Variants in ASIC2 observed in about 807,000 individuals in gnomAD.
The protein encoded by ASIC2 is acid-sensing ion channel 2.
ASIC2 carries 25 observed loss-of-function variants against 57.3 expected under a neutral mutation model. The ratio of observed to expected loss-of-function variants is 0.44; its 90% CI spans 0.32 to 0.61. The LOEUF (loss-of-function observed/expected upper bound fraction) is 0.61, where lower values mean the gene tolerates loss of function less well. Ranked by LOEUF, ASIC2 falls within the 20% of genes least tolerant of loss-of-function variation. ASIC2 has a pLI of 0.06. For missense variants in ASIC2, 641 were observed against 738.1 expected, an observed-to-expected ratio of 0.87 and a Z score of 1.52; for synonymous variants, 319 against 307.5, an observed-to-expected ratio of 1.04 and a Z score of -0.39.
Position 33,164,393 on chromosome 17 carries a change from A to G in ASIC2, c.709-52326T>C, listed in dbSNP as rs187311386. 2.0e-4 allele frequency among the ~76,000 whole-genome samples: 31 copies of G among 152,270 alleles called. 1 individual carries two copies. The highest frequency in any genetic ancestry group is 1.5e-3 in the South Asian group (7 of 4,824). On this transcript the variant is annotated intron_variant, in intron 1 of 9. Transcript: ENST00000225823. ...AGTTGCTCTTCCCTGTGATTCAAAC[A>G]TTAATGCTCCCCAAGGTCTTTCCTG...
At chr17:33,477,451 C>T (rs4438355) in intron 1 of ASIC2, among the ~76,000 whole-genome samples, 9 of 152,204 alleles carry the variant, frequency 5.9e-5, no homozygotes, top group African/African-American at 2.2e-4. Flanking sequence ...AACATGACTT[C>T]CTCTCTGGGC....
At chr17:33,884,845 T>G (rs1914789797) in intron 1 of ASIC2, among the ~76,000 whole-genome samples, 1 of 152,206 alleles carries the variant, frequency 6.6e-6, no homozygotes, top group Non-Finnish European at 1.5e-5. Flanking sequence ...ATTTTTGTAT[T>G]TCTCCCAGGG....
intron 7 of ASIC2, 120 bp downstream of exon 7, chr17:33,021,099 A>C (rs564119333): frequency 3.1e-5 from 21 of 668,810 alleles, no homozygotes; most frequent in African/African-American, 3.1e-4. Flanking sequence ...TTAGTAAATC[A>C]AAAGGTTAGA....
intron 1 of ASIC2, among the ~76,000 whole-genome samples, chr17:33,386,758 A>T (rs1219883780): frequency 2.0e-5 from 3 of 151,496 alleles, no homozygotes; most frequent in Non-Finnish European, 4.4e-5. Flanking sequence ...GCCCCTTCTG[A>T]TCTCTCGGCC....
chr17:33,194,641 A>G (rs998835581), intron 1 of ASIC2, among the ~76,000 whole-genome samples: 51 of 147,246 alleles, frequency 3.5e-4, no homozygotes, highest in Admixed American at 5.4e-4. Context: ...ACATTTCCAG[A>G]TTGGGATATC....
intron 1 of ASIC2, among the ~76,000 whole-genome samples, chr17:33,826,337 A>G (rs150039491): frequency 2.0e-5 from 3 of 152,328 alleles, no homozygotes; most frequent in Non-Finnish European, 4.4e-5. Flanking sequence ...TGGAGGGCGC[A>G]GAGACATCCC....
At chr17:33,984,136 A>G (rs1460805961) in intron 1 of ASIC2, 1 of 152,280 alleles carries the variant, frequency 6.6e-6, no homozygotes, top group African/African-American at 2.4e-5. Flanking sequence ...CTGCAATCAT[A>G]TTCACTGAGG....
intron 2 of ASIC2, among the ~76,000 whole-genome samples, chr17:33,110,960 A>G (rs2092255768): frequency 6.6e-6 from 1 of 152,078 alleles, no homozygotes; most frequent in African/African-American, 2.4e-5. Flanking sequence ...ACGCAGCATT[A>G]ATCTTACTTT....
chr17:34,099,798 G>GAAAGA (rs1555596825), intron 1 of ASIC2, among the ~76,000 whole-genome samples: 1 of 99,134 alleles, frequency 1.0e-5, no homozygotes, highest in African/African-American at 4.4e-5. Context: ...AAGAAAGAAA[G>GAAAGA]AAAGAAAAGA....
intron 1 of ASIC2, among the ~76,000 whole-genome samples, chr17:33,615,554 G>A (rs909778668): frequency 1.3e-5 from 2 of 152,120 alleles, no homozygotes; most frequent in Non-Finnish European, 2.9e-5. Flanking sequence ...AGAGGCTAAG[G>A]TCTTGGTTCT....
chr17:34,109,922 G>A (rs866813121), intron 1 of ASIC2, among the ~76,000 whole-genome samples: 9 of 152,010 alleles, frequency 5.9e-5, no homozygotes, highest in Admixed American at 2.6e-4. Flanking sequence ...TTATGACTAG[G>A]TATATGCGTG....
chr17:33,192,743 T>G (rs545178130), intron 1 of ASIC2, among the ~76,000 whole-genome samples: 7 of 152,346 alleles, frequency 4.6e-5, no homozygotes, highest in African/African-American at 1.4e-4. Flanking sequence ...AAGCTGCCTC[T>G]CTGATGCAAT....
chr17:33,662,665 AAAT>A (rs1209243255), intron 1 of ASIC2, among the ~76,000 whole-genome samples: 2,734 of 116,798 alleles, frequency 0.023, 76 homozygotes, highest in African/African-American at 0.069. Context: ...ATAAATAAAT[AAAT>A]AAGTAAAATA....
intron 1 of ASIC2, among the ~76,000 whole-genome samples, chr17:33,876,905 C>A (rs446520): frequency 6.6e-6 from 1 of 152,146 alleles, no homozygotes; most frequent in East Asian, 1.9e-4. Flanking sequence ...GAGTTTGGCA[C>A]GCGTTCAGGT....
rs2091804905 is a variant in ASIC2, at chr17:33,016,185, C to T, written c.1522-146G>A. The T allele has an allele frequency of 5.9e-6, 4 of 672,450 alleles. No homozygotes were observed. The Admixed American group carries it at 1.1e-4, about 18-fold the overall frequency. 41.7% of individuals were successfully genotyped at this position (672,450 alleles called of 1,614,324 possible). On this transcript the variant is annotated intron_variant, in intron 8 of 9. Coordinates refer to ENST00000225823, the MANE Select transcript of ASIC2 (RefSeq NM_183377.2). ...AGCACAAGCCCAGCCTGGCAGCCAGCTCCAGGTGCCTGTCTGTCTCAACCC... is the reference window on the plus strand; with the variant it reads ...AGCACAAGCCCAGCCTGGCAGCCAGTTCCAGGTGCCTGTCTGTCTCAACCC...
intron 1 of ASIC2, among the ~76,000 whole-genome samples, chr17:34,045,647 G>C (rs77529313): frequency 6.6e-6 from 1 of 152,178 alleles, no homozygotes; most frequent in African/African-American, 2.4e-5. Flanking sequence ...AGGGATTAAA[G>C]AGTTGTTTTA....
At chr17:33,337,454 C>T (rs559262208) in intron 1 of ASIC2, among the ~76,000 whole-genome samples, 3 of 152,180 alleles carry the variant, frequency 2.0e-5, no homozygotes, top group South Asian at 2.1e-4. Context: ...AATCCAAAGT[C>T]CTTGCTGTGC....
intron 1 of ASIC2, among the ~76,000 whole-genome samples, chr17:33,153,836 C>A (rs1173961501): frequency 6.6e-6 from 1 of 152,186 alleles, no homozygotes; most frequent in Non-Finnish European, 1.5e-5. Flanking sequence ...CACTCTTGAT[C>A]CATGTGAATT....
intron 1 of ASIC2, among the ~76,000 whole-genome samples, chr17:34,083,294 T>C (rs1370078880): frequency 1.3e-5 from 2 of 151,752 alleles, no homozygotes; most frequent in African/African-American, 2.4e-5. Context: ...GTTCTTGCGA[T>C]AGTTTACTAA....
Sources: allele counts gnomAD v4.1 joint callset (sites outside exome capture counted in the v4.1 genomes callset), GRCh38; gene constraint gnomAD v4.1.1; transcripts MANE v1.5; gene names NCBI Gene and HGNC (gene_info 2026-07-23, HGNC 2026-07-21).